FILIP1: variants seen among roughly 807,000 people sequenced by gnomAD.
The protein encoded by FILIP1 is filamin A interacting protein 1.
In FILIP1, 61 loss-of-function variants were observed where a neutral mutation model predicts 102.1. The observed-to-expected ratio is 0.60, with a 90% CI of 0.49 to 0.74. The LOEUF is 0.74. FILIP1 is among the 30% of genes least tolerant of loss of function. FILIP1 has a pLI of 0.00. For missense variants in FILIP1, 1,314 were observed against 1,441.2 expected, an observed-to-expected ratio of 0.91 and a Z score of 1.43; for synonymous variants, 491 against 526.9, an observed-to-expected ratio of 0.93 and a Z score of 0.93.
chr6:75,480,500 A>G (rs1486813170), intron 1 of FILIP1, among the ~76,000 whole-genome samples: 1 of 151,912 alleles, frequency 6.6e-6, no homozygotes, highest in Non-Finnish European at 1.5e-5. Context: ...TTCAGCCTCC[A>G]CTGCTCCTGG....
chr6:75,436,281 G>T (rs987590062), intron 1 of FILIP1, among the ~76,000 whole-genome samples: 1 of 151,692 alleles, frequency 6.6e-6, no homozygotes, highest in African/African-American at 2.4e-5. Flanking sequence ...CTGAGGGGAG[G>T]ATCACTTTAG....
intron 1 of FILIP1, among the ~76,000 whole-genome samples, chr6:75,423,738 C>T (rs1392142401): frequency 6.6e-6 from 1 of 152,128 alleles, no homozygotes; most frequent in Non-Finnish European, 1.5e-5. Flanking sequence ...GCCATACTCA[C>T]CTGACCTCTT....
chr6:75,316,500 T>G (rs1773453258), intron 4 of FILIP1, among the ~76,000 whole-genome samples: 1 of 152,160 alleles, frequency 6.6e-6, no homozygotes, highest in Admixed American at 6.5e-5. Context: ...GTGTGTTTTT[T>G]TTTTACTTGT....
Position 75,481,002 on chromosome 6 carries a change from A to G in FILIP1, c.-7+12412T>C, listed in dbSNP as rs1198248983. 2.0e-5 allele frequency among the ~76,000 whole-genome samples: 3 copies of G among 152,176 alleles called. No homozygotes were observed. In the East Asian group the frequency reaches 5.8e-4, roughly 29 times the overall value. On this transcript the variant is annotated intron_variant, in intron 1 of 5. Transcript: ENST00000237172. ...AATCAGATGTTTGAGCTTTTCAATAACACTCATGTCTGATGCTTTCCCTTA... is the reference window on the plus strand; with the variant it reads ...AATCAGATGTTTGAGCTTTTCAATAGCACTCATGTCTGATGCTTTCCCTTA...
At chr6:75,332,216 T>C (rs1264157655) in intron 4 of FILIP1, among the ~76,000 whole-genome samples, 1 of 152,224 alleles carries the variant, frequency 6.6e-6, no homozygotes, top group East Asian at 1.9e-4. Flanking sequence ...TGTTCTTATG[T>C]CCTCTCCCCA....
chr6:75,399,628 G>A (rs1377375218), intron 2 of FILIP1, among the ~76,000 whole-genome samples: 1 of 152,184 alleles, frequency 6.6e-6, no homozygotes, highest in Non-Finnish European at 1.5e-5. Flanking sequence ...GGTCAGAAGA[G>A]CATGGTACAC....
intron 2 of FILIP1, among the ~76,000 whole-genome samples, chr6:75,402,155 G>A (rs911596643): frequency 5.3e-5 from 8 of 151,936 alleles, no homozygotes; most frequent in African/African-American, 1.9e-4. Flanking sequence ...ACACCAATGC[G>A]GACATTATTC....
intron 4 of FILIP1, among the ~76,000 whole-genome samples, chr6:75,328,777 C>T (rs9352207): frequency 0.67 from 102,007 of 152,030 alleles, 34,390 homozygotes; most frequent in Middle Eastern, 0.76. Flanking sequence ...CATGAGCCAC[C>T]GTGCCCAGCT....
chr6:75,392,827 A>T (rs1446649756), intron 2 of FILIP1, among the ~76,000 whole-genome samples: 1 of 152,168 alleles, frequency 6.6e-6, no homozygotes, highest in East Asian at 1.9e-4. Context: ...TGATGGTTTT[A>T]AAAACACGAG....
At chr6:75,486,444 C>A (rs2149784898) in intron 1 of FILIP1, among the ~76,000 whole-genome samples, 1 of 152,260 alleles carries the variant, frequency 6.6e-6, no homozygotes, top group East Asian at 1.9e-4. Flanking sequence ...GCCTTCTGAC[C>A]CTAAATCTCT....
chr6:75,315,807 T>C (rs1773425482), intron 4 of FILIP1, among the ~76,000 whole-genome samples: 1 of 152,206 alleles, frequency 6.6e-6, no homozygotes, highest in African/African-American at 2.4e-5. Context: ...CTGCATCATA[T>C]GATTTGAGGA....
intron 2 of FILIP1, among the ~76,000 whole-genome samples, chr6:75,373,811 C>G (rs1047455654): frequency 6.6e-6 from 1 of 152,080 alleles, no homozygotes; most frequent in South Asian, 2.1e-4. Flanking sequence ...GAGTTCAAGA[C>G]CAGCTTGGGC....
rs768156081 is a variant in FILIP1 at position 75,493,418 on chromosome 6, C to T, written c.-11G>A. On this transcript the variant is annotated 5_prime_UTR_variant, in exon 1 of 6. Coordinates refer to ENST00000237172, the MANE Select transcript of FILIP1 (RefSeq NM_015687.5). ...ATTTATTTATTTTGGTCTTACCTGACGGCAGCTCCTTTAACCAAAGGTATG... is the reference window on the plus strand; with the variant it reads ...ATTTATTTATTTTGGTCTTACCTGATGGCAGCTCCTTTAACCAAAGGTATG... 1 of 152,168 alleles carries T rather than the reference C, an allele frequency of 6.6e-6. No homozygotes were observed. The highest frequency in any genetic ancestry group is 1.5e-5 in the Non-Finnish European group (1 of 68,034). 9.4% of individuals were successfully genotyped at this position (152,168 alleles called of 1,614,324 possible).
chr6:75,301,558 A>C (rs1772837818), intron 6 of FILIP1, among the ~76,000 whole-genome samples: 1 of 152,212 alleles, frequency 6.6e-6, no homozygotes. Flanking sequence ...GCATATATGT[A>C]GCATTAGCAG....
intron 5 of FILIP1, 137 bp from the exon 6 acceptor site, chr6:75,309,034 T>A: frequency 1.1e-6 from 1 of 890,646 alleles, no homozygotes; most frequent in South Asian, 1.8e-5. Flanking sequence ...AAAATAATTG[T>A]GAGAAACTTG....
At chr6:75,309,335 C>T (rs971304399) in intron 5 of FILIP1, among the ~76,000 whole-genome samples, 3 of 152,230 alleles carry the variant, frequency 2.0e-5, no homozygotes, top group East Asian at 1.9e-4. Context: ...ATGTTATTGT[C>T]GCTGCTGACC....
At chr6:75,325,524 A>G (rs183242065) in intron 4 of FILIP1, among the ~76,000 whole-genome samples, 19 of 152,364 alleles carry the variant, frequency 1.2e-4, no homozygotes, top group African/African-American at 4.6e-4. Context: ...CAGAATTTAT[A>G]AGGAATTTAA....
chr6:75,410,235 A>G (rs1777014455), intron 2 of FILIP1, among the ~76,000 whole-genome samples: 1 of 152,176 alleles, frequency 6.6e-6, no homozygotes, highest in South Asian at 2.1e-4. Context: ...TAAATGCTCC[A>G]TACATATCAA....
At chr6:75,322,847 C>T (rs923237013) in intron 4 of FILIP1, among the ~76,000 whole-genome samples, 1 of 152,108 alleles carries the variant, frequency 6.6e-6, no homozygotes, top group Non-Finnish European at 1.5e-5. Context: ...GCATGTGCTA[C>T]CACACCTGGC....
Sources: gnomAD v4.1 joint callset for allele counts (sites outside exome capture counted in the v4.1 genomes callset) on GRCh38, gnomAD v4.1.1 for gene constraint, MANE v1.5 for transcripts, NCBI Gene and HGNC (gene_info 2026-07-23, HGNC 2026-07-21) for gene names.